Variants in CENPO observed in about 807,000 individuals in gnomAD.
CENPO encodes centromere protein O, also known as centromeric protein O.
Under a neutral mutation model 36.1 loss-of-function variants are expected in CENPO, and 30 were observed. The observed-to-expected ratio is 0.83, with a 90% confidence interval of 0.62 to 1.13. The LOEUF (loss-of-function observed/expected upper bound fraction) is 1.13. Among genes scored for constraint, CENPO ranks in the 50% most tolerant of loss-of-function variants. The pLI, the probability that CENPO is intolerant of heterozygous loss-of-function variation, is 0.00. For synonymous variants in CENPO, 171 were observed against 142.3 expected (o/e 1.20, Z -1.44); for missense variants, 349 against 357.8 (o/e 0.98, Z 0.20).
In CENPO at chr2:24,822,256, AGG is replaced by A. The variant is rs1051392419; in HGVS notation, c.*2942_*2943del. The A allele has an allele frequency of 1.0e-5, 4 of 386,898 alleles. No homozygotes were observed. Among genetic ancestry groups the A allele is most frequent in the African/African-American group, 6.1e-5 (3 of 49,282 alleles). The allele number at this position is 386,898 out of a possible 1,614,324, so 24.0% of individuals were successfully genotyped here. A position where few individuals can be genotyped will look rare whatever the true frequency, so the allele number is the denominator to read the frequency against. On this transcript the variant is annotated 3_prime_UTR_variant, in exon 8 of 8. Transcript: ENST00000380834. Reference sequence around the variant, plus strand: ...AGTTCCTATGAAAGCACAGAGCCTTAGGGGGCCTGGCCACAGAACACAACCAT... The same window carrying A: ...AGTTCCTATGAAAGCACAGAGCCTTAGGGCCTGGCCACAGAACACAACCAT...
intron 1 of CENPO, 45 bp downstream of exon 1, chr2:24,793,546 C>G: frequency 6.5e-7 from 1 of 1,527,832 alleles, no homozygotes; most frequent in Non-Finnish European, 8.8e-7. Flanking sequence ...ATTGTCGGAC[C>G]GGACCGTGGC....
At chr2:24,797,180 A>T (rs7559890) in intron 2 of CENPO, among the ~76,000 whole-genome samples, 65,625 of 152,076 alleles carry the variant, frequency 0.43, 15,850 homozygotes, top group East Asian at 0.59. Flanking sequence ...CTAGGAATGT[A>T]TATTCAATAG....
chr2:24,821,648 AG>A lies in CENPO; in HGVS notation c.*2334del. ...TCTCTCGGACTTGTCTTCCTGTGCC[AG>A]GGGACCGTGGAGAAAGTGTCAGGGG... On this transcript the variant is annotated 3_prime_UTR_variant, in exon 8 of 8. Transcript: ENST00000380834. 1 of 1,613,696 alleles carries A rather than the reference AG, an allele frequency of 6.2e-7. No homozygotes were observed. The highest frequency in any genetic ancestry group is 8.5e-7 in the Non-Finnish European group (1 of 1,179,848).
At chr2:24,805,491 A>G (rs1376930217) in intron 3 of CENPO, among the ~76,000 whole-genome samples, 2 of 152,216 alleles carry the variant, frequency 1.3e-5, no homozygotes, top group South Asian at 4.1e-4. Context: ...AGTGACGTAC[A>G]GATGGGGTTT....
At chr2:24,816,604 T>G in intron 5 of CENPO, 42 bp from the exon 6 acceptor site, 2 of 1,458,364 alleles carry the variant, frequency 1.4e-6, no homozygotes. Flanking sequence ...CCTTTGGAAC[T>G]GCAGTCATCC....
chr2:24,810,702 T>G (rs1666636954), intron 3 of CENPO, among the ~76,000 whole-genome samples: 1 of 152,020 alleles, frequency 6.6e-6, no homozygotes, highest in Non-Finnish European at 1.5e-5. Flanking sequence ...GAGGTGGGGT[T>G]TCACCACGTT....
chr2:24,814,703 C>T, intron 4 of CENPO: 1 of 542,922 alleles, frequency 1.8e-6, no homozygotes, highest in South Asian at 2.2e-5. Flanking sequence ...TGACTGGCCC[C>T]TTTGTACAGC....
Position 24,820,807 on chromosome 2 carries a change from G to C in CENPO, c.*1489G>C. 1 of 1,613,988 alleles carries C rather than the reference G, an allele frequency of 6.2e-7. No homozygotes were observed. Among genetic ancestry groups the C allele is most frequent in the Non-Finnish European group, 8.5e-7 (1 of 1,179,992 alleles). Reference sequence around the variant, plus strand: ...CCCCAGATGTCGTAGTGTGGTTTCCGGGCTCCGATGACCCCAGCCAGAACC... The same window carrying C: ...CCCCAGATGTCGTAGTGTGGTTTCCCGGCTCCGATGACCCCAGCCAGAACC... On this transcript the variant is annotated 3_prime_UTR_variant, in exon 8 of 8. Coordinates refer to ENST00000380834, the MANE Select transcript of CENPO (RefSeq NM_001322101.2).
At chr2:24,804,987 T>C (rs956760588) in intron 3 of CENPO, among the ~76,000 whole-genome samples, 2 of 152,240 alleles carry the variant, frequency 1.3e-5, no homozygotes, top group Non-Finnish European at 2.9e-5. Context: ...TTTGGTCTTT[T>C]CACATAGTCC....
At chr2:24,817,991 A>C in intron 7 of CENPO, 150 bp downstream of exon 7, 1 of 577,330 alleles carries the variant, frequency 1.7e-6, no homozygotes, top group Non-Finnish European at 3.0e-6. Flanking sequence ...AACAATTCCC[A>C]TGATCACCTG....
At chr2:24,815,787 C>A (rs372623684) in intron 5 of CENPO, 31 bp downstream of exon 5, 4 of 1,606,082 alleles carry the variant, frequency 2.5e-6, no homozygotes, top group South Asian at 2.2e-5. Context: ...ATGCCTCATC[C>A]GTGGGCCCAA....
At chr2:24,809,131 T>G (rs186936040) in intron 3 of CENPO, among the ~76,000 whole-genome samples, 1 of 152,314 alleles carries the variant, frequency 6.6e-6, no homozygotes, top group African/African-American at 2.4e-5. Context: ...AAGTTTGAAA[T>G]TTTTTTAAAA....
chr2:24,817,691 C>A lies in CENPO; in HGVS notation c.788C>A (p.Ser263Ter), dbSNP rs373530987. The change falls in exon 7 of 8, where the codon TCA becomes TAA. Residue 263 changes from serine to a stop codon, truncating the protein, a stop_gained. Transcript: ENST00000380834. LOFTEE classifies it high-confidence loss of function. The part of the protein sequence containing the change: ...TCQGVEVLST[S>*]WEEQRASHET... ...TTAGGAGTGGAAGTATTATCCACTT[C>A]ATGGGAGGAGCAACGAGCATCTCAT... The A allele has an allele frequency of 6.2e-7, 1 of 1,614,078 alleles. No homozygotes were observed. Among genetic ancestry groups the A allele is most frequent in the African/African-American group, 1.3e-5 (1 of 74,928 alleles).
chr2:24,821,047 ACCC>A lies in CENPO; in HGVS notation c.*1737_*1739del. On this transcript the variant is annotated 3_prime_UTR_variant, in exon 8 of 8. Coordinates refer to ENST00000380834, the MANE Select transcript of CENPO (RefSeq NM_001322101.2). Reference sequence around the variant, plus strand: ...GTGTGCTTGTTAGGTGTCAGCCGCCACCCCCCCCCCATATGCAGATTTACTCGG... The same window carrying A: ...GTGTGCTTGTTAGGTGTCAGCCGCCACCCCCCCATATGCAGATTTACTCGG... 4 of 532,514 alleles carry A rather than the reference ACCC, an allele frequency of 7.5e-6. No individual in the cohort carries two copies. Among genetic ancestry groups the A allele is most frequent in the African/African-American group, 2.2e-5 (1 of 45,264 alleles). The allele number at this position is 532,514 out of a possible 1,614,324, so 33.0% of individuals were successfully genotyped here. A position where few individuals can be genotyped will look rare whatever the true frequency, so the allele number is the denominator to read the frequency against.
At chr2:24,817,224 G>A (rs554371739) in intron 6 of CENPO, among the ~76,000 whole-genome samples, 14 of 152,272 alleles carry the variant, frequency 9.2e-5, no homozygotes, top group African/African-American at 2.4e-4. Flanking sequence ...TCCTCCCTAC[G>A]GAGCAGTCTC....
chr2:24,796,526 A>G (rs1388463707), intron 2 of CENPO, among the ~76,000 whole-genome samples: 1 of 150,194 alleles, frequency 6.7e-6, no homozygotes, highest in Non-Finnish European at 1.5e-5. Context: ...AATTAAAACT[A>G]TAGTGGCCGG....
Position 24,820,640 on chromosome 2 carries a change from A to G in CENPO, c.*1322A>G. 6.3e-6 allele frequency: 10 copies of G among 1,579,424 alleles called. No individual in the cohort carries two copies. The highest frequency in any genetic ancestry group is 8.6e-6 in the Non-Finnish European group (10 of 1,159,306). On this transcript the variant is annotated 3_prime_UTR_variant, in exon 8 of 8. Coordinates refer to ENST00000380834, the MANE Select transcript of CENPO (RefSeq NM_001322101.2). ...ACTTACTGTTCAGGGCCAGGGTGGG[A>G]GGCAGGGGCACGTGGGAAAGCACTG...
intron 3 of CENPO, among the ~76,000 whole-genome samples, chr2:24,800,973 G>T (rs299009): frequency 0.7 from 106,494 of 151,844 alleles, 38,199 homozygotes; most frequent in Admixed American, 0.79. Flanking sequence ...TTTCTCCACA[G>T]CCTCTCCAGC....
chr2:24,815,823 T>C, intron 5 of CENPO, 67 bp downstream of exon 5: 1 of 1,484,776 alleles, frequency 6.7e-7, no homozygotes, highest in Non-Finnish European at 9.3e-7. Flanking sequence ...GGGATGTTTT[T>C]TGTATTTTCA....
Sources: gnomAD v4.1 joint callset for allele counts (sites outside exome capture counted in the v4.1 genomes callset) on GRCh38, gnomAD v4.1.1 for gene constraint, MANE v1.5 for transcripts, NCBI Gene and HGNC (gene_info 2026-07-23, HGNC 2026-07-21) for gene names.